Variants in PTPRN2 observed in about 807,000 individuals in gnomAD.
The protein encoded by PTPRN2 is protein tyrosine phosphatase receptor type N2.
PTPRN2 carries 74 observed loss-of-function variants against 118.8 expected under a neutral mutation model. The ratio of observed to expected loss-of-function variants is 0.62; its 90% CI spans 0.52 to 0.76. PTPRN2 has a LOEUF of 0.76. Among genes scored for constraint, PTPRN2 ranks in the 30% least tolerant of loss-of-function variants. PTPRN2 has a pLI of 0.00. For missense variants in PTPRN2, 1,481 were observed against 1,394.4 expected, an observed-to-expected ratio of 1.06 and a Z score of -0.99; for synonymous variants, 641 against 608.0, an observed-to-expected ratio of 1.05 and a Z score of -0.80.
intron 13 of PTPRN2, among the ~76,000 whole-genome samples, chr7:157,672,497 G>A (rs947117283): frequency 6.6e-6 from 1 of 152,108 alleles, no homozygotes; most frequent in African/African-American, 2.4e-5. Flanking sequence ...AGGAACATCC[G>A]ATCTCTGGTT....
intron 11 of PTPRN2, among the ~76,000 whole-genome samples, chr7:157,956,329 A>G (rs1252919878): frequency 2.0e-5 from 3 of 152,140 alleles, no homozygotes; most frequent in Admixed American, 2.0e-4. Flanking sequence ...TCCGGTCCAC[A>G]TCTGGGTTCA....
intron 3 of PTPRN2, among the ~76,000 whole-genome samples, chr7:158,285,637 A>ACCTGCCATTCCCACATGCTC (rs1264717750): frequency 6.6e-6 from 1 of 152,000 alleles, no homozygotes; most frequent in East Asian, 1.9e-4. Flanking sequence ...CCATTCCCAC[A>ACCTGCCATTCCCACATGCTC]CCACAGAGCA....
intron 22 of PTPRN2, among the ~76,000 whole-genome samples, chr7:157,543,518 G>A (rs1022252136): frequency 5.3e-5 from 8 of 152,266 alleles, no homozygotes; most frequent in African/African-American, 1.9e-4. Flanking sequence ...AGGGATGGAG[G>A]CTGCAGGAGC....
intron 11 of PTPRN2, among the ~76,000 whole-genome samples, chr7:157,930,572 C>T (rs928468497): frequency 4.6e-5 from 7 of 152,362 alleles, no homozygotes; most frequent in East Asian, 1.9e-4. Context: ...CCTGGAGCAC[C>T]GGAGGGTGCC....
intron 11 of PTPRN2, among the ~76,000 whole-genome samples, chr7:157,918,551 A>T (rs981677618): frequency 1.3e-5 from 2 of 152,210 alleles, no homozygotes; most frequent in African/African-American, 4.8e-5. Context: ...ATTATCTACA[A>T]GCAACATATC....
Position 158,188,236 on chromosome 7 carries a change from TTGCCCCGCGATG to T in PTPRN2, c.549+4079_549+4090del, listed in dbSNP as rs1563576642. Among the ~76,000 whole-genome samples, 48 of 61,434 alleles carry T rather than the reference TTGCCCCGCGATG, an allele frequency of 7.8e-4. 6 individuals are homozygous for T. Among genetic ancestry groups the T allele is most frequent in the South Asian group, 3.2e-3 (5 of 1,556 alleles). 40.3% of individuals were successfully genotyped at this position (61,434 alleles called of 152,430 possible). A position where few individuals can be genotyped will look rare whatever the true frequency, so the allele number is the denominator to read the frequency against. ...CGCCTGATGGGGAAGGCCGCCACGC[TTGCCCCGCGATG>T]GGGAAGGCCGCCACGCTCGCCCCCT... On this transcript the variant is annotated intron_variant, in intron 5 of 22. Coordinates refer to ENST00000389418, the MANE Select transcript of PTPRN2 (RefSeq NM_002847.5).
rs1359265001 is a variant in PTPRN2, at chr7:157,618,637, C to G, written c.2344+2725G>C. On this transcript the variant is annotated intron_variant, in intron 15 of 22. Coordinates refer to ENST00000389418, the MANE Select transcript of PTPRN2 (RefSeq NM_002847.5). The surrounding 1 kb of genome is among the most constrained non-coding windows in gnomAD (Gnocchi z 4.2). ...CGGCCATCTCTCTGGGGCCTGGCAA[C>G]AGCGAGAGCTTTTGCCAAGCCACTG... 1.3e-5 allele frequency: 2 copies of G among 152,244 alleles called. No homozygotes were observed. Among genetic ancestry groups the G allele is most frequent in the South Asian group, 4.1e-4 (2 of 4,838 alleles). 9.4% of individuals were successfully genotyped at this position (152,244 alleles called of 1,614,324 possible).
rs374889194 is a variant in PTPRN2, at chr7:158,110,876, G to A, written c.1596C>T (p.Asp532=). The change falls in exon 10 of 23, where the codon GAC becomes GAT. Residue 532 remains aspartate, a synonymous_variant. Coordinates refer to ENST00000389418, the MANE Select transcript of PTPRN2 (RefSeq NM_002847.5). The part of the protein sequence containing the change: ...RPEEGRRLVE[D]VARLLQVPSS... The stretch of plus-strand genomic sequence containing the variant: ...TGGGCACCTGCAGGAGGCGGGCGAC[G>A]TCCTCCACCAGCCGCCTTCCTTCCT... The A allele has an allele frequency of 1.7e-5, 27 of 1,586,680 alleles. No homozygotes were observed. Among genetic ancestry groups the A allele is most frequent in the African/African-American group, 8.1e-5 (6 of 74,530 alleles).
Position 158,214,374 on chromosome 7 carries a change from C to T in PTPRN2, c.278-9101G>A, listed in dbSNP as rs575014922. On this transcript the variant is annotated intron_variant, in intron 3 of 22. Transcript: ENST00000389418. ...ACCTCAGACTTGGAGTCAAAGAGGC[C>T]GCAATCCGGAAACACCAGCGTGTAC... 1.7e-3 allele frequency among the ~76,000 whole-genome samples: 251 copies of T among 149,394 alleles called. 2 individuals carry two copies. The highest frequency in any genetic ancestry group is 5.8e-3 in the African/African-American group (234 of 40,260).
At chr7:158,397,276 G>A (rs373534509) in intron 2 of PTPRN2, among the ~76,000 whole-genome samples, 1 of 152,186 alleles carries the variant, frequency 6.6e-6, no homozygotes, top group East Asian at 1.9e-4. Flanking sequence ...CCAATGTGGG[G>A]CCACTCTGCA....
intron 11 of PTPRN2, among the ~76,000 whole-genome samples, chr7:158,038,366 A>T (rs1157515087): frequency 6.6e-6 from 1 of 152,188 alleles, no homozygotes; most frequent in African/African-American, 2.4e-5. Context: ...AAAAGATAAA[A>T]TTCAACCCCT....
At chr7:158,142,262 T>C (rs1447381263) in intron 6 of PTPRN2, among the ~76,000 whole-genome samples, 5 of 152,300 alleles carry the variant, frequency 3.3e-5, no homozygotes, top group African/African-American at 1.2e-4. Flanking sequence ...CTAGTCACCC[T>C]GGGGCAAGGA....
At chr7:157,566,578 G>A (rs1799496022) in intron 21 of PTPRN2, among the ~76,000 whole-genome samples, 1 of 152,192 alleles carries the variant, frequency 6.6e-6, no homozygotes, top group Non-Finnish European at 1.5e-5. Context: ...TCAAGAACAG[G>A]AGGAGGGTCA....
intron 15 of PTPRN2, chr7:157,614,164 G>C (rs1241200728): frequency 2.2e-6 from 1 of 462,532 alleles, no homozygotes; most frequent in African/African-American, 2.0e-5. Flanking sequence ...GGGGAGGACA[G>C]GGGAGGGCCA....
chr7:158,518,509 A>G (rs76084035), intron 1 of PTPRN2, among the ~76,000 whole-genome samples: 2,956 of 152,300 alleles, frequency 0.019, 86 homozygotes, highest in African/African-American at 0.062. Flanking sequence ...CACAGAGGCT[A>G]AAGGATACGG....
Position 158,286,274 on chromosome 7 carries a change from T to A in PTPRN2, c.277+30545A>T, listed in dbSNP as rs940779001. ...TTGGTGGCATCTTTAGGATTCTATATGTAAGATCATGTCATCTGCAAACAG... is the reference window on the plus strand; with the variant it reads ...TTGGTGGCATCTTTAGGATTCTATAAGTAAGATCATGTCATCTGCAAACAG... On this transcript the variant is annotated intron_variant, in intron 3 of 22. Transcript: ENST00000389418. Among the ~76,000 whole-genome samples, 57 of 152,262 alleles carry A rather than the reference T, an allele frequency of 3.7e-4. 1 individual carries two copies. The highest frequency in any genetic ancestry group is 4.4e-5 in the Non-Finnish European group (3 of 68,044).
At chr7:158,522,097 G>A (rs989172454) in intron 1 of PTPRN2, among the ~76,000 whole-genome samples, 49 of 60,610 alleles carry the variant, frequency 8.1e-4, no homozygotes, top group East Asian at 5.3e-3. Flanking sequence ...GCTCAGGAGG[G>A]AGGTCCACGT....
chr7:158,363,355 C>T (rs1405891273), intron 2 of PTPRN2, among the ~76,000 whole-genome samples: 3 of 152,158 alleles, frequency 2.0e-5, no homozygotes, highest in African/African-American at 7.2e-5. Flanking sequence ...GGGAGGCCGC[C>T]TCCTCCAGAG....
At chr7:157,988,535 G>C (rs1256139328) in intron 11 of PTPRN2, among the ~76,000 whole-genome samples, 1 of 152,218 alleles carries the variant, frequency 6.6e-6, no homozygotes, top group Non-Finnish European at 1.5e-5. Flanking sequence ...GTGTACATCA[G>C]AACAGTGATG....
Sources: allele counts gnomAD v4.1 joint callset (sites outside exome capture counted in the v4.1 genomes callset), GRCh38; gene constraint gnomAD v4.1.1; non-coding constraint Gnocchi (gnomAD v3.1); transcripts MANE v1.5; gene names NCBI Gene and HGNC (gene_info 2026-07-23, HGNC 2026-07-21).